The following MRTFB variants were observed in gnomAD, a reference collection of about 807,000 sequenced individuals.
MRTFB encodes myocardin-related transcription factor B.
MRTFB carries 29 observed loss-of-function variants against 104.2 expected under a neutral mutation model. That is an observed-to-expected ratio of 0.28 (90% CI 0.21 to 0.38). MRTFB has a LOEUF of 0.38. Among genes scored for constraint, MRTFB ranks in the 10% least tolerant of loss-of-function variants. MRTFB has a pLI of 1.00. For synonymous variants in MRTFB, 535 were observed against 519.5 expected, an observed-to-expected ratio of 1.03 and a Z score of -0.41; for missense variants, 1,270 against 1,341.6, an observed-to-expected ratio of 0.95 and a Z score of 0.83.
At position 14,240,267 on chromosome 16, in the gene MRTFB, C is replaced by A. The variant is rs2042705695; in HGVS notation, c.862C>A (p.His288Asn). The change falls in exon 10 of 17, where the codon CAC (histidine) becomes AAC (asparagine). Residue 288 changes from histidine (H) to asparagine (N), a missense_variant. Coordinates refer to ENST00000571589, the MANE Select transcript of MRTFB (RefSeq NM_001308142.2). The stretch of plus-strand genomic sequence containing the variant: ...CCATCCCAAGAATCCAAATGACAAA[C>A]ACCGTAGCAAAAAGTGCAAAGATCC... ...QSHPKNPNDK[H>N]RSKKCKDPKP... 6.2e-7 allele frequency: 1 copy of A among 1,609,156 alleles called. No individual in the cohort carries two copies. Among genetic ancestry groups the A allele is most frequent in the African/African-American group, 1.3e-5 (1 of 74,710 alleles).
At chr16:14,166,395 T>G (rs1234694369) in intron 3 of MRTFB, among the ~76,000 whole-genome samples, 1 of 152,186 alleles carries the variant, frequency 6.6e-6, no homozygotes, top group East Asian at 1.9e-4. Flanking sequence ...TCCATCAAAA[T>G]TATTCATGCA....
chr16:14,195,628 G>A (rs1480919997), intron 3 of MRTFB: 19 of 926,788 alleles, frequency 2.1e-5, no homozygotes, highest in African/African-American at 3.6e-5. Flanking sequence ...TTCCTGTTTC[G>A]TTAATTGTTC....
chr16:14,217,256 T>C lies in MRTFB; in HGVS notation c.483T>C (p.Pro161=), dbSNP rs766405086. 1 of 1,612,652 alleles carries C rather than the reference T, an allele frequency of 6.2e-7. No individual in the cohort carries two copies. The highest frequency in any genetic ancestry group is 8.5e-7 in the Non-Finnish European group (1 of 1,179,502). The stretch of plus-strand genomic sequence containing the variant: ...AGCTGGTAGAGAAAAACATCCTTCC[T>C]GTGGACTCCAGTGTTAAAGAAGCAA... ...PMELVEKNIL[P]VDSSVKEAII... The change falls in exon 7 of 17, where the codon CCT becomes CCC. Residue 161 remains proline (P), a synonymous_variant. Coordinates refer to ENST00000571589, the MANE Select transcript of MRTFB (RefSeq NM_001308142.2).
intron 8 of MRTFB, among the ~76,000 whole-genome samples, chr16:14,228,940 G>A (rs2042136429): frequency 6.6e-6 from 1 of 152,164 alleles, no homozygotes; most frequent in African/African-American, 2.4e-5. Context: ...GGGGGACATT[G>A]TTTAATGGGT....
chr16:14,232,548 A>G (rs996045771), intron 8 of MRTFB, among the ~76,000 whole-genome samples: 3 of 152,232 alleles, frequency 2.0e-5, no homozygotes, highest in East Asian at 3.8e-4. Flanking sequence ...GAATGCAGCC[A>G]TCTTTCAAAG....
chr16:14,192,240 C>T lies in MRTFB; in HGVS notation c.155-18003C>T, dbSNP rs190270119. ...AAAAAAAATAAGCCAGGTGTGCTGG[C>T]TTATAAGCCTGTAGGCTTACCTACT... On this transcript the variant is annotated intron_variant, in intron 3 of 16. Transcript: ENST00000571589. Among the ~76,000 whole-genome samples, 308 of 151,912 alleles carry T rather than the reference C, an allele frequency of 2.0e-3. 1 individual carries two copies. Among genetic ancestry groups the T allele is most frequent in the African/African-American group, 7.0e-3 (291 of 41,444 alleles).
At chr16:14,112,593 C>T (rs1215996612) in intron 2 of MRTFB, among the ~76,000 whole-genome samples, 2 of 152,266 alleles carry the variant, frequency 1.3e-5, no homozygotes, top group African/African-American at 4.8e-5. Context: ...TATTCCACCA[C>T]AGTCTGTTCT....
At chr16:14,224,791 A>T (rs771071457) in intron 8 of MRTFB, among the ~76,000 whole-genome samples, 44 of 152,374 alleles carry the variant, frequency 2.9e-4, no homozygotes, top group Non-Finnish European at 3.5e-4. Flanking sequence ...ACAAAAGCAG[A>T]GGTAGTTTAT....
At chr16:14,123,587 T>C (rs1244255245) in intron 2 of MRTFB, among the ~76,000 whole-genome samples, 2 of 152,016 alleles carry the variant, frequency 1.3e-5, no homozygotes, top group Admixed American at 1.3e-4. Context: ...TGTTGATGTA[T>C]GGTCTTATTT....
intron 3 of MRTFB, among the ~76,000 whole-genome samples, chr16:14,172,236 C>G (rs1297484881): frequency 6.6e-6 from 1 of 152,140 alleles, no homozygotes; most frequent in East Asian, 1.9e-4. Context: ...CTCCCCCCCA[C>G]AAACAAGCAG....
chr16:14,114,584 T>C (rs564156369), intron 2 of MRTFB, among the ~76,000 whole-genome samples: 2 of 152,286 alleles, frequency 1.3e-5, no homozygotes, highest in Admixed American at 1.3e-4. Flanking sequence ...TGGCTCTGAG[T>C]TTTGCCTCCC....
At position 14,265,874 on chromosome 16, in the gene MRTFB, A is replaced by C. The variant is rs1215465062; in HGVS notation, c.*4430A>C. 1 of 152,230 alleles carries C rather than the reference A, an allele frequency of 6.6e-6. No individual in the cohort carries two copies. Among genetic ancestry groups the C allele is most frequent in the Non-Finnish European group, 1.5e-5 (1 of 68,048 alleles). 9.4% of individuals were successfully genotyped at this position (152,230 alleles called of 1,614,324 possible). A position where few individuals can be genotyped will look rare whatever the true frequency, so the allele number is the denominator to read the frequency against. Reference sequence around the variant, plus strand: ...TTATCAGAGATATCATCACATCTATAGTGTTTAACAGAGCTTTATGCCAAC... The same window carrying C: ...TTATCAGAGATATCATCACATCTATCGTGTTTAACAGAGCTTTATGCCAAC... On this transcript the variant is annotated 3_prime_UTR_variant, in exon 17 of 17. Coordinates refer to ENST00000571589, the MANE Select transcript of MRTFB (RefSeq NM_001308142.2).
Position 14,239,016 on chromosome 16 carries a change from G to T in MRTFB, c.832-1221G>T, listed in dbSNP as rs191980062. Among the ~76,000 whole-genome samples the T allele has an allele frequency of 8.5e-5, 13 of 152,292 alleles. No individual in the cohort carries two copies. The East Asian group carries it at 2.5e-3, about 29-fold the overall frequency. On this transcript the variant is annotated intron_variant, in intron 9 of 16. Transcript: ENST00000571589. ...TTCAGGCTACCGGTGTGATATTGCTGAATGCACAATTGGGAGAAACAGCAC... is the reference window on the plus strand; with the variant it reads ...TTCAGGCTACCGGTGTGATATTGCTTAATGCACAATTGGGAGAAACAGCAC...
chr16:14,242,589 T>A (rs564036819), intron 10 of MRTFB, among the ~76,000 whole-genome samples: 1 of 152,246 alleles, frequency 6.6e-6, no homozygotes, highest in South Asian at 2.1e-4. Context: ...TGTAGCCCTT[T>A]GCCACCACAA....
rs1216744862 is a variant in MRTFB, at chr16:14,240,484, A to G, written c.1079A>G (p.Lys360Arg). ...CAGACCATCCTGCCTGCACCATTCA[A>G]GTACGGCGGGGCCCATGCTATCCTC... ...NYQTILPAPF[K>R]PLNDKNSNSG... Residue 360 changes from lysine to arginine, a missense_variant and splice_region_variant, in exon 10 of 17, where the codon AAG becomes AGG. Lys to Arg is a conservative substitution (Grantham distance 26). Transcript: ENST00000571589. 1 of 1,614,240 alleles carries G rather than the reference A, an allele frequency of 6.2e-7. No individual in the cohort carries two copies. The highest frequency in any genetic ancestry group is 1.7e-5 in the Admixed American group (1 of 60,024).
intron 2 of MRTFB, among the ~76,000 whole-genome samples, chr16:14,106,030 G>T (rs2035956170): frequency 6.6e-6 from 1 of 152,174 alleles, no homozygotes; most frequent in African/African-American, 2.4e-5. Flanking sequence ...GATAGATGTT[G>T]CAAACTAAGT....
At chr16:14,157,439 CAA>C (rs2038867795) in intron 3 of MRTFB, among the ~76,000 whole-genome samples, 1 of 152,184 alleles carries the variant, frequency 6.6e-6, no homozygotes, top group Admixed American at 6.5e-5. Context: ...TCTGGCTCCC[CAA>C]AGTCTGTACT....
intron 2 of MRTFB, among the ~76,000 whole-genome samples, chr16:14,131,591 G>GA (rs987201677): frequency 6.6e-6 from 1 of 151,824 alleles, no homozygotes; most frequent in Non-Finnish European, 1.5e-5. Context: ...TATAATGAAA[G>GA]AAAAAACTGT....
chr16:14,038,169 G>A, the MRTFB span, among the ~76,000 whole-genome samples: 163 of 152,152 alleles, frequency 1.1e-3, no homozygotes, highest in Middle Eastern at 3.4e-3. Context: ...GGTAGTAGAC[G>A]GCCATCTTCT....
Sources: allele counts gnomAD v4.1 joint callset (sites outside exome capture counted in the v4.1 genomes callset), GRCh38; gene constraint gnomAD v4.1.1; transcripts MANE v1.5; gene names NCBI Gene and HGNC (gene_info 2026-07-23, HGNC 2026-07-21).